Variants in TSHZ2 observed in about 807,000 individuals in gnomAD.
TSHZ2 encodes teashirt homolog 2.
In TSHZ2, 21 loss-of-function variants were observed where a neutral mutation model predicts 74.4. The observed-to-expected ratio is 0.28, with a 90% CI of 0.20 to 0.41. The LOEUF (loss-of-function observed/expected upper bound fraction) is 0.41. TSHZ2 is among the 10% of genes least tolerant of loss of function. The pLI is 1.00. For missense variants in TSHZ2, 1,244 were observed against 1,293.5 expected, an observed-to-expected ratio of 0.96 and a Z score of 0.59; for synonymous variants, 540 against 515.3, an observed-to-expected ratio of 1.05 and a Z score of -0.65.
intron 1 of TSHZ2, among the ~76,000 whole-genome samples, chr20:53,042,739 A>G (rs1984088858): frequency 6.6e-6 from 1 of 152,068 alleles, no homozygotes; most frequent in South Asian, 2.1e-4. Context: ...CAAGCTTCCA[A>G]GGCTACCAAG....
At chr20:53,328,123 AC>A (rs1979573565) in intron 2 of TSHZ2, among the ~76,000 whole-genome samples, 1 of 152,134 alleles carries the variant, frequency 6.6e-6, no homozygotes, top group Admixed American at 6.5e-5. Context: ...AATGGTGCTC[AC>A]CCTTAGAGTC....
intron 1 of TSHZ2, among the ~76,000 whole-genome samples, chr20:53,175,159 T>A (rs13042344): frequency 5.2e-5 from 7 of 134,150 alleles, no homozygotes; most frequent in Non-Finnish European, 6.3e-5. Flanking sequence ...TTTTTTTTTT[T>A]CAACGGAGTT....
chr20:53,156,874 T>C (rs1365550720), intron 1 of TSHZ2, among the ~76,000 whole-genome samples: 3 of 152,252 alleles, frequency 2.0e-5, no homozygotes, highest in Non-Finnish European at 4.4e-5. Context: ...TAAGAGCTGT[T>C]GAAATGACCT....
intron 1 of TSHZ2, among the ~76,000 whole-genome samples, chr20:53,192,785 T>C (rs1205269122): frequency 6.6e-6 from 1 of 152,184 alleles, no homozygotes; most frequent in Non-Finnish European, 1.5e-5. Context: ...TCCTACAACT[T>C]GAGCTCACAT....
rs6097202 is a variant in TSHZ2 at position 53,036,267 on chromosome 20, A to G, written c.40+62934A>G. On this transcript the variant is annotated intron_variant, in intron 1 of 2. Transcript: ENST00000371497. ...TTACCTTGCTTTTTCTTTTCTCAAT[A>G]TGATAAACATTAATTAAGTATCTGC... 5.0e-3 allele frequency among the ~76,000 whole-genome samples: 769 copies of G among 152,294 alleles called. 3 individuals are homozygous for G. Among genetic ancestry groups the G allele is most frequent in the Middle Eastern group, 0.017 (5 of 294 alleles).
chr20:53,435,640 A>T (rs1211954065), intron 2 of TSHZ2, among the ~76,000 whole-genome samples: 1 of 152,122 alleles, frequency 6.6e-6, no homozygotes, highest in East Asian at 1.9e-4. Context: ...CAGCCTCCTG[A>T]GTAGCTGGGA....
intron 1 of TSHZ2, among the ~76,000 whole-genome samples, chr20:53,171,935 A>C (rs1988213184): frequency 6.6e-6 from 1 of 152,208 alleles, no homozygotes; most frequent in African/African-American, 2.4e-5. Context: ...TTATAGGTAG[A>C]GTAATAAGTC....
At chr20:53,208,369 C>A (rs948309356) in intron 1 of TSHZ2, among the ~76,000 whole-genome samples, 13 of 152,134 alleles carry the variant, frequency 8.5e-5, no homozygotes, top group African/African-American at 3.1e-4. Flanking sequence ...GAGCTCACAG[C>A]TACTGTTGCC....
intron 2 of TSHZ2, among the ~76,000 whole-genome samples, chr20:53,472,466 T>C (rs1004401397): frequency 6.6e-6 from 1 of 152,096 alleles, no homozygotes; most frequent in African/African-American, 2.4e-5. Flanking sequence ...GAATAAGGAT[T>C]GGGGGTGCAA....
At chr20:53,389,460 G>C (rs567535823) in intron 2 of TSHZ2, among the ~76,000 whole-genome samples, 3 of 152,342 alleles carry the variant, frequency 2.0e-5, no homozygotes, top group African/African-American at 4.8e-5. Context: ...GGTCATGGAA[G>C]ACTTCATTGA....
chr20:53,356,137 T>C (rs768011394), intron 2 of TSHZ2, among the ~76,000 whole-genome samples: 2 of 152,254 alleles, frequency 1.3e-5, no homozygotes, highest in Non-Finnish European at 2.9e-5. Flanking sequence ...ATTGATGCTA[T>C]GATGTATACT....
intron 1 of TSHZ2, among the ~76,000 whole-genome samples, chr20:53,124,293 T>C (rs1986889930): frequency 6.6e-6 from 1 of 152,234 alleles, no homozygotes. Context: ...GCAATCAGGC[T>C]TCTGTTGGGC....
chr20:53,162,695 A>G (rs1161545465), intron 1 of TSHZ2, among the ~76,000 whole-genome samples: 15 of 152,156 alleles, frequency 9.9e-5, no homozygotes, highest in Admixed American at 9.8e-4. Flanking sequence ...TTGCATGGGA[A>G]AGGAGGGGCT....
chr20:53,077,752 G>A (rs960983269), intron 1 of TSHZ2, among the ~76,000 whole-genome samples: 1 of 152,294 alleles, frequency 6.6e-6, no homozygotes, highest in East Asian at 1.9e-4. Context: ...TAGATCATTC[G>A]TTATCGCTGA....
chr20:53,436,641 G>A (rs1984092605), intron 2 of TSHZ2, among the ~76,000 whole-genome samples: 1 of 150,106 alleles, frequency 6.7e-6, no homozygotes, highest in Non-Finnish European at 1.5e-5. Context: ...CGCCTCCCGG[G>A]TTCAAGCACT....
At chr20:53,059,070 T>C (rs971597205) in intron 1 of TSHZ2, among the ~76,000 whole-genome samples, 3 of 152,234 alleles carry the variant, frequency 2.0e-5, no homozygotes, top group African/African-American at 7.2e-5. Flanking sequence ...AAACATTTTT[T>C]CCCTGTCTGT....
chr20:53,140,818 G>A (rs1987378997), intron 1 of TSHZ2, among the ~76,000 whole-genome samples: 1 of 152,132 alleles, frequency 6.6e-6, no homozygotes, highest in African/African-American at 2.4e-5. Context: ...GAGAGCTTTG[G>A]GGGCAAAGCA....
chr20:53,405,363 T>C (rs554590858), intron 2 of TSHZ2, among the ~76,000 whole-genome samples: 29 of 152,276 alleles, frequency 1.9e-4, no homozygotes, highest in African/African-American at 6.7e-4. Flanking sequence ...TGATGATCTA[T>C]TAGGATTGTG....
chr20:53,438,623 G>T (rs1164908179), intron 2 of TSHZ2, among the ~76,000 whole-genome samples: 2 of 152,134 alleles, frequency 1.3e-5, no homozygotes, highest in African/African-American at 2.4e-5. Flanking sequence ...AGCCCTATGG[G>T]ATCCCCTGAC....
Sources: allele counts gnomAD v4.1 joint callset (sites outside exome capture counted in the v4.1 genomes callset), GRCh38; gene constraint gnomAD v4.1.1; transcripts MANE v1.5; gene names NCBI Gene and HGNC (gene_info 2026-07-23, HGNC 2026-07-21).